GEN1: variants seen among roughly 807,000 people sequenced by gnomAD.
GEN1 encodes flap endonuclease GEN homolog 1.
In GEN1, 64 loss-of-function variants were observed where a neutral mutation model predicts 67.6. The ratio of observed to expected loss-of-function variants is 0.95; its 90% CI spans 0.77 to 1.17. The LOEUF is 1.17. Ranked by LOEUF, GEN1 falls within the 50% of genes most tolerant of loss-of-function variation. The probability of loss-of-function intolerance (pLI) is 0.00; values close to 1 mark genes in which losing one functional copy is unlikely to be tolerated. For missense variants in GEN1, 1,058 were observed against 1,048.3 expected, an observed-to-expected ratio of 1.01 and a Z score of -0.13; for synonymous variants, 371 against 359.4, an observed-to-expected ratio of 1.03 and a Z score of -0.37.
chr2:17,755,071 G>A (rs1671351065), intron 1 of GEN1: 1 of 152,190 alleles, frequency 6.6e-6, no homozygotes, highest in African/African-American at 2.4e-5. Flanking sequence ...TCCGGTAATG[G>A]AATTCTTTAC....
Position 17,765,073 on chromosome 2 carries a change from GGT to G in GEN1, c.525+3_525+4del. The stretch of plus-strand genomic sequence containing the variant: ...ACAGGAATTTCACTATGAATACAAA[GGT>G]GTTTATTTTCTTTCTCTTTTTCAGC... On this transcript the variant is annotated splice_donor_variant, in intron 4 of 13. Coordinates refer to ENST00000381254, the MANE Select transcript of GEN1 (RefSeq NM_001130009.3). LOFTEE classifies it high-confidence loss of function. 6.2e-7 allele frequency: 1 copy of G among 1,612,824 alleles called. No individual in the cohort carries two copies. Among genetic ancestry groups the G allele is most frequent in the African/African-American group, 1.3e-5 (1 of 74,946 alleles).
At chr2:17,760,675 A>G (rs1671633331) in intron 2 of GEN1, among the ~76,000 whole-genome samples, 1 of 152,130 alleles carries the variant, frequency 6.6e-6, no homozygotes, top group African/African-American at 2.4e-5. Flanking sequence ...TAATCCCAGC[A>G]CTTTGGGAGG....
chr2:17,777,345 C>G (rs1672480018), intron 11 of GEN1, among the ~76,000 whole-genome samples: 1 of 151,856 alleles, frequency 6.6e-6, no homozygotes, highest in African/African-American at 2.4e-5. Context: ...GATGATAAGC[C>G]AAAACTCCCA....
chr2:17,778,326 G>GTGTA (rs1672614069), intron 12 of GEN1, among the ~76,000 whole-genome samples: 3 of 59,672 alleles, frequency 5.0e-5, no homozygotes, highest in Non-Finnish European at 9.3e-5. Context: ...ACACACACGT[G>GTGTA]TACATATATG....
intron 12 of GEN1, among the ~76,000 whole-genome samples, 165 bp from the exon 13 acceptor site, chr2:17,779,813 G>A (rs942316839): frequency 6.6e-6 from 1 of 152,122 alleles, no homozygotes; most frequent in African/African-American, 2.4e-5. Flanking sequence ...TGTTGATCGG[G>A]CTGGTCTGGT....
At chr2:17,761,694 G>A (rs1671687033) in intron 3 of GEN1, 112 bp downstream of exon 3, 3 of 704,108 alleles carry the variant, frequency 4.3e-6, no homozygotes, top group Non-Finnish European at 4.5e-6. Flanking sequence ...TAGCAGGGAT[G>A]TGCCTAGAGA....
At chr2:17,776,102 T>G (rs1446536082) in intron 11 of GEN1, among the ~76,000 whole-genome samples, 4 of 123,224 alleles carry the variant, frequency 3.2e-5, no homozygotes, top group Admixed American at 1.0e-4. Flanking sequence ...GGTGACAGAG[T>G]GAGACCCTGT....
chr2:17,762,895 A>G (rs1671753500), intron 3 of GEN1, among the ~76,000 whole-genome samples: 1 of 152,300 alleles, frequency 6.6e-6, no homozygotes, highest in Admixed American at 6.5e-5. Flanking sequence ...GTGTCGGTGC[A>G]CTCACAAGAA....
At chr2:17,766,843 CGGCATTTCAGAT>C (rs1276870218) in intron 5 of GEN1, among the ~76,000 whole-genome samples, 154 bp downstream of exon 5, 14 of 152,208 alleles carry the variant, frequency 9.2e-5, no homozygotes, top group Middle Eastern at 3.4e-3. Context: ...CTAAAATAAT[CGGCATTTCAGAT>C]GGCACTAAAA....
chr2:17,778,216 G>A (rs1046539854), intron 12 of GEN1, among the ~76,000 whole-genome samples, 153 bp downstream of exon 12: 8 of 136,168 alleles, frequency 5.9e-5, no homozygotes, highest in Admixed American at 7.4e-5. Flanking sequence ...GTATATATAT[G>A]TATACACACA....
chr2:17,758,839 G>A (rs867222174), intron 1 of GEN1, among the ~76,000 whole-genome samples: 81 of 150,464 alleles, frequency 5.4e-4, no homozygotes, highest in African/African-American at 1.8e-3. Flanking sequence ...GCGTGACAGA[G>A]CGAGACCCTG....
Position 17,771,191 on chromosome 2 carries a change from T to G in GEN1, c.711-5T>G, listed in dbSNP as rs1370211748. On this transcript the variant is annotated splice_polypyrimidine_tract_variant and splice_region_variant and intron_variant, in intron 6 of 13. Transcript: ENST00000381254. ...CCTTTTTTTAAAAACCACTTTCTAT[T>G]AAAGGTTTAATCGGTGGAATGAAAC... is the stretch of plus-strand genomic sequence containing the variant. 1 of 1,592,056 alleles carries G rather than the reference T, an allele frequency of 6.3e-7. No homozygotes were observed. The highest frequency in any genetic ancestry group is 8.6e-7 in the Non-Finnish European group (1 of 1,160,392).
chr2:17,764,848 G>T, intron 3 of GEN1, 49 bp from the exon 4 acceptor site: 1 of 1,511,090 alleles, frequency 6.6e-7, no homozygotes, highest in South Asian at 1.2e-5. Context: ...GTAAATAAAT[G>T]AGCAGTGAAA....
intron 6 of GEN1, 52 bp downstream of exon 6, chr2:17,768,863 C>G (rs753254941): frequency 1.7e-6 from 2 of 1,145,196 alleles, no homozygotes; most frequent in Non-Finnish European, 1.3e-6. Flanking sequence ...TCTTGCTGAA[C>G]TTAATAACGA....
intron 3 of GEN1, among the ~76,000 whole-genome samples, chr2:17,761,869 A>G (rs1671697778): frequency 6.6e-6 from 1 of 152,174 alleles, no homozygotes; most frequent in African/African-American, 2.4e-5. Context: ...AAAATAAGAG[A>G]AAGTATATCT....
Position 17,768,830 on chromosome 2 carries a change from C to G in GEN1, c.710+19C>G. 1 of 1,426,688 alleles carries G rather than the reference C, an allele frequency of 7.0e-7. No homozygotes were observed. Among genetic ancestry groups the G allele is most frequent in the Non-Finnish European group, 9.9e-7 (1 of 1,012,436 alleles). 88.4% of individuals were successfully genotyped at this position (1,426,688 alleles called of 1,614,324 possible). ...TTCAGAGGTAACTAATAATTACTTTCTCTTGTGACATTGAACCTTTATTCT... is the reference window on the plus strand; with the variant it reads ...TTCAGAGGTAACTAATAATTACTTTGTCTTGTGACATTGAACCTTTATTCT... On this transcript the variant is annotated intron_variant, in intron 6 of 13. Coordinates refer to ENST00000381254, the MANE Select transcript of GEN1 (RefSeq NM_001130009.3).
chr2:17,781,098 C>T lies in GEN1; in HGVS notation c.1886C>T (p.Pro629Leu). Residue 629 changes from proline (P) to leucine (L), a missense_variant, in exon 14 of 14, where the codon CCA becomes CTA. Pro to Leu is a moderately conservative substitution (Grantham distance 98). Transcript: ENST00000381254. ...ATCCCTGATGGCTTTGAAAATATCC[C>T]AGAACAACTGTCCTGTGAATCAGAA... ...SAIPDGFENI[P>L]EQLSCESERY... The T allele has an allele frequency of 6.2e-7, 1 of 1,613,574 alleles. No homozygotes were observed. The highest frequency in any genetic ancestry group is 8.5e-7 in the Non-Finnish European group (1 of 1,179,554).
In GEN1 at chr2:17,788,537, G is replaced by A. The variant is rs1572435959; in HGVS notation, c.*6598G>A. On this transcript the variant is annotated 3_prime_UTR_variant, in exon 14 of 14. Transcript: ENST00000381254. ...AATTCCTTTTGTAAGCATCAAAGAA[G>A]AACTTTAATAAGGATTAAGTGTCTG... is the stretch of plus-strand genomic sequence containing the variant. 1 of 152,278 alleles carries A rather than the reference G, an allele frequency of 6.6e-6. No individual in the cohort carries two copies. Among genetic ancestry groups the A allele is most frequent in the Non-Finnish European group, 1.5e-5 (1 of 68,030 alleles). The allele number at this position is 152,278 out of a possible 1,614,324, so 9.4% of individuals were successfully genotyped here. A position where few individuals can be genotyped will look rare whatever the true frequency, so the allele number is the denominator to read the frequency against.
rs10607623 is a variant in GEN1 at position 17,765,948 on chromosome 2, A to AATATATATAT, written c.526-622_526-613dup. 3.7e-3 allele frequency among the ~76,000 whole-genome samples: 551 copies of AATATATATAT among 149,058 alleles called. 5 individuals are homozygous for AATATATATAT. The highest frequency in any genetic ancestry group is 6.0e-3 in the Non-Finnish European group (404 of 67,262). ...GTTACGGGGAATGTTTACTTTCTAT[A>AATATATATAT]ATATATATATATATATATGTTACAG... On this transcript the variant is annotated intron_variant, in intron 4 of 13. Transcript: ENST00000381254.
Sources: gnomAD v4.1 joint callset for allele counts (sites outside exome capture counted in the v4.1 genomes callset) on GRCh38, gnomAD v4.1.1 for gene constraint, MANE v1.5 for transcripts, NCBI Gene and HGNC (gene_info 2026-07-23, HGNC 2026-07-21) for gene names.